Variants in CRACD observed in about 807,000 individuals in gnomAD.
CRACD encodes capping protein-inhibiting regulator of actin dynamics.
A neutral mutation model predicts 106.8 loss-of-function variants in CRACD; 56 were observed. That is an observed-to-expected ratio of 0.52 (90% CI 0.42 to 0.66). The LOEUF (loss-of-function observed/expected upper bound fraction) is 0.66. CRACD is among the 30% of genes least tolerant of loss of function. The pLI is 0.00. For missense variants in CRACD, 1,730 were observed against 1,623.2 expected (o/e 1.07, Z -1.13); for synonymous variants, 754 against 670.8 (o/e 1.12, Z -1.92).
At position 56,315,926 on chromosome 4, in the gene CRACD, G is replaced by A. The variant is rs1745605806; in HGVS notation, c.2424G>A (p.Gln808=). The change falls in exon 8 of 11, where the codon CAG becomes CAA. Residue 808 remains glutamine (Q), a synonymous_variant. Transcript: ENST00000682029. The surrounding 1 kb of genome is among the most constrained non-coding windows in gnomAD (Gnocchi z 4.1). Reference sequence around the variant, plus strand: ...TCCCAAGCCTTCCTTACCCTCCGCAGAAAGTGGTGGCCCACACAGAGTTCA... The same window carrying A: ...TCCCAAGCCTTCCTTACCCTCCGCAAAAAGTGGTGGCCCACACAGAGTTCA... ...FLVPSLPYPP[Q]KVVAHTEFTT... 1 of 1,614,222 alleles carries A rather than the reference G, an allele frequency of 6.2e-7. No individual in the cohort carries two copies. The highest frequency in any genetic ancestry group is 2.2e-5 in the East Asian group (1 of 44,878).
rs751624184 is a variant in CRACD at position 56,315,042 on chromosome 4, G to C, written c.1540G>C (p.Glu514Gln). ...PVERKEAAALEQGRKVEELRW... is the reference protein window; with the variant it reads ...PVERKEAAALQQGRKVEELRW... Reference sequence around the variant, plus strand: ...GGAGAGGAAAGAAGCCGCCGCCCTTGAACAAGGCCGCAAGGTGGAGGAGCT... The same window carrying C: ...GGAGAGGAAAGAAGCCGCCGCCCTTCAACAAGGCCGCAAGGTGGAGGAGCT... The change falls in exon 8 of 11, where the codon GAA (glutamate) becomes CAA (glutamine). Residue 514 changes from glutamate to glutamine, a missense_variant. Physicochemically the swap from Glu to Gln is conservative, Grantham distance 29. Transcript: ENST00000682029. This position sits in a 1 kb window ranked among gnomAD's most constrained non-coding sequence, Gnocchi z 4.1. 2.5e-6 allele frequency: 4 copies of C among 1,604,796 alleles called. No homozygotes were observed. The Admixed American group carries it at 6.9e-5, about 28-fold the overall frequency.
chr4:56,225,185 G>A (rs764628725), intron 2 of CRACD, among the ~76,000 whole-genome samples: 2 of 152,230 alleles, frequency 1.3e-5, no homozygotes, highest in South Asian at 2.1e-4. Context: ...TCTCCCTCTC[G>A]GGTTCAAGCA....
intron 3 of CRACD, among the ~76,000 whole-genome samples, chr4:56,273,645 C>T (rs1742501219): frequency 6.6e-6 from 1 of 152,148 alleles, no homozygotes; most frequent in Non-Finnish European, 1.5e-5. Context: ...TTTGTTTGCC[C>T]TTGCCTGTGT....
Position 56,320,036 on chromosome 4 carries a change from G to A in CRACD, c.3188-3341G>A, listed in dbSNP as rs531306153. On this transcript the variant is annotated intron_variant, in intron 8 of 10. Coordinates refer to ENST00000682029, the MANE Select transcript of CRACD (RefSeq NM_001393381.1). ...AAAAATACAAAAATTAGCCAGGTGT[G>A]GTGGTGGGCACCTGTAATCCCAGCT... Among the ~76,000 whole-genome samples the A allele has an allele frequency of 3.3e-5, 5 of 152,096 alleles. No individual in the cohort carries two copies. The South Asian group carries it at 1.0e-3, about 32-fold the overall frequency.
At chr4:56,221,766 C>T (rs1396307092) in intron 2 of CRACD, among the ~76,000 whole-genome samples, 2 of 151,786 alleles carry the variant, frequency 1.3e-5, no homozygotes, top group African/African-American at 2.4e-5. Flanking sequence ...TACAAATGGC[C>T]AAGAAACATG....
chr4:56,275,547 A>G lies in CRACD; in HGVS notation c.-17+3055A>G, dbSNP rs138236996. Among the ~76,000 whole-genome samples the G allele has an allele frequency of 1.7e-3, 255 of 152,374 alleles. 2 individuals are homozygous for G. The highest frequency in any genetic ancestry group is 5.8e-3 in the African/African-American group (240 of 41,596). On this transcript the variant is annotated intron_variant, in intron 3 of 10. Transcript: ENST00000682029. ...ACAATTGCAAAGTAATTTCACCTAC[A>G]AAGTAAATACTACATATGTTGATTA... is the stretch of plus-strand genomic sequence containing the variant.
At chr4:56,199,868 T>A (rs1452199691) in intron 2 of CRACD, among the ~76,000 whole-genome samples, 1 of 152,108 alleles carries the variant, frequency 6.6e-6, no homozygotes, top group Non-Finnish European at 1.5e-5. Flanking sequence ...TACTGCAAGT[T>A]AAACTTCTGA....
At chr4:56,263,704 A>T (rs1339342277) in intron 2 of CRACD, among the ~76,000 whole-genome samples, 2 of 152,170 alleles carry the variant, frequency 1.3e-5, no homozygotes, top group Admixed American at 1.3e-4. Flanking sequence ...AAAATATGAA[A>T]TTTGGAGAGA....
chr4:56,175,347 CTT>C (rs1486913381), intron 1 of CRACD, among the ~76,000 whole-genome samples: 1 of 152,126 alleles, frequency 6.6e-6, no homozygotes, highest in Non-Finnish European at 1.5e-5. Flanking sequence ...TACTTCCTAT[CTT>C]TTTGTTAATA....
intron 8 of CRACD, among the ~76,000 whole-genome samples, chr4:56,322,894 T>A (rs1746192363): frequency 6.6e-6 from 1 of 152,090 alleles, no homozygotes; most frequent in South Asian, 2.1e-4. Context: ...CCAGGTGTGG[T>A]TGCAGGCGCC....
intron 2 of CRACD, among the ~76,000 whole-genome samples, chr4:56,270,356 G>A (rs1742279729): frequency 6.6e-6 from 1 of 152,006 alleles, no homozygotes; most frequent in African/African-American, 2.4e-5. Context: ...ACATCTGGCA[G>A]CACTTCAAAT....
At chr4:56,242,523 CTG>C (rs1740425469) in intron 2 of CRACD, among the ~76,000 whole-genome samples, 1 of 152,042 alleles carries the variant, frequency 6.6e-6, no homozygotes, top group African/African-American at 2.4e-5. Context: ...TTTATGAAGA[CTG>C]AACAGTGGTG....
chr4:56,250,157 TC>T (rs1560502365), intron 2 of CRACD, among the ~76,000 whole-genome samples: 1 of 152,026 alleles, frequency 6.6e-6, no homozygotes, highest in Non-Finnish European at 1.5e-5. Flanking sequence ...TTCTCTATAT[TC>T]CACTATTCTC....
At chr4:56,322,294 T>C (rs1746154235) in intron 8 of CRACD, among the ~76,000 whole-genome samples, 1 of 152,194 alleles carries the variant, frequency 6.6e-6, no homozygotes. Flanking sequence ...ATCTCCACTT[T>C]CTAGATTAGA....
intron 1 of CRACD, among the ~76,000 whole-genome samples, chr4:56,108,589 G>A (rs562708992): frequency 2.0e-5 from 3 of 152,228 alleles, no homozygotes; most frequent in South Asian, 4.2e-4. Flanking sequence ...CCACCAAGAC[G>A]TGGAGACCGG....
chr4:56,142,486 C>G (rs1735237566), intron 1 of CRACD, among the ~76,000 whole-genome samples: 1 of 152,046 alleles, frequency 6.6e-6, no homozygotes, highest in Non-Finnish European at 1.5e-5. Context: ...TATGATTTAT[C>G]TTTTCAAGAT....
At position 56,153,918 on chromosome 4, in the gene CRACD, T is replaced by C. The variant is rs1377447422; in HGVS notation, c.-335-25366T>C. ...CCCAATTATGCAAGTTACATTTATCTCAGCCCATACCTCGTTATTCACTAT... is the reference window on the plus strand; with the variant it reads ...CCCAATTATGCAAGTTACATTTATCCCAGCCCATACCTCGTTATTCACTAT... On this transcript the variant is annotated intron_variant, in intron 1 of 10. Coordinates refer to ENST00000682029, the MANE Select transcript of CRACD (RefSeq NM_001393381.1). 2.0e-5 allele frequency among the ~76,000 whole-genome samples: 3 copies of C among 152,250 alleles called. No homozygotes were observed. In the East Asian group the frequency reaches 5.8e-4, roughly 29 times the overall value.
chr4:56,190,502 TG>T (rs983162393), intron 2 of CRACD, among the ~76,000 whole-genome samples: 9 of 152,352 alleles, frequency 5.9e-5, no homozygotes, highest in Admixed American at 2.6e-4. Context: ...AAAATGTTTA[TG>T]GTTAAATACT....
chr4:56,052,676 A>G (rs1731915631), intron 1 of CRACD, among the ~76,000 whole-genome samples: 1 of 152,182 alleles, frequency 6.6e-6, no homozygotes, highest in African/African-American at 2.4e-5. Context: ...TTGTGTTTAC[A>G]TTTGATAATT....
Sources: gnomAD v4.1 joint callset for allele counts (sites outside exome capture counted in the v4.1 genomes callset) on GRCh38, gnomAD v4.1.1 for gene constraint, Gnocchi (gnomAD v3.1) non-coding constraint, MANE v1.5 for transcripts, NCBI Gene and HGNC (gene_info 2026-07-23, HGNC 2026-07-21) for gene names.